The following TFAP2D variants were observed in gnomAD, a reference collection of about 807,000 sequenced individuals.
The protein encoded by TFAP2D is transcription factor AP-2-delta.
A neutral mutation model predicts 43.6 loss-of-function variants in TFAP2D; 9 were observed. That is an observed-to-expected ratio of 0.21 (90% CI 0.12 to 0.36). The LOEUF (loss-of-function observed/expected upper bound fraction) is 0.36. Ranked by LOEUF, TFAP2D falls within the 10% of genes least tolerant of loss-of-function variation. The probability of loss-of-function intolerance (pLI) is 1.00; values close to 1 mark genes in which losing one functional copy is unlikely to be tolerated. For missense variants in TFAP2D, 513 were observed against 561.4 expected (o/e 0.91, Z 0.87); for synonymous variants, 256 against 224.9 (o/e 1.14, Z -1.24).
intron 3 of TFAP2D, 109 bp downstream of exon 3, chr6:50,719,259 A>G (rs1768677085): frequency 8.9e-7 from 1 of 1,124,888 alleles, no homozygotes; most frequent in Non-Finnish European, 1.3e-6. Context: ...TTAAGAAAAC[A>G]ATTATGCTTA....
In TFAP2D at chr6:50,715,298, C is replaced by G; in HGVS notation, c.222C>G (p.Phe74Leu). 1 of 1,614,122 alleles carries G rather than the reference C, an allele frequency of 6.2e-7. No homozygotes were observed. Among genetic ancestry groups the G allele is most frequent in the Non-Finnish European group, 8.5e-7 (1 of 1,180,004 alleles). The change falls in exon 2 of 8, where the codon TTC (phenylalanine) becomes TTG (leucine). Residue 74 changes from phenylalanine (F) to leucine (L), a missense_variant. Around this residue, in one of 3 missense-constraint regions of TFAP2D, gnomAD observed 311 missense variants for 316.2 expected, o/e 0.98. Transcript: ENST00000008391. Reference protein sequence around the residue: ...HQYTPLHHQSFHYEFQHSHPA... With the variant: ...HQYTPLHHQSLHYEFQHSHPA... ...ACACCCCGCTCCACCACCAGTCCTT[C>G]CATTACGAGTTTCAGCACAGCCACC...
intron 7 of TFAP2D, among the ~76,000 whole-genome samples, chr6:50,768,830 G>GAAAGTCA (rs1769481271): frequency 6.6e-6 from 1 of 151,516 alleles, no homozygotes; most frequent in African/African-American, 2.4e-5. Flanking sequence ...TTCAGGTCAT[G>GAAAGTCA]AAAGTCAAAA....
intron 5 of TFAP2D, among the ~76,000 whole-genome samples, chr6:50,729,576 C>A (rs1299049443): frequency 6.6e-6 from 1 of 152,080 alleles, no homozygotes; most frequent in Non-Finnish European, 1.5e-5. Flanking sequence ...TCCAAATAGC[C>A]TCTAAATAAC....
chr6:50,757,351 A>G (rs1026554527), intron 7 of TFAP2D, among the ~76,000 whole-genome samples: 2 of 138,842 alleles, frequency 1.4e-5, no homozygotes, highest in Non-Finnish European at 3.0e-5. Context: ...TAGAGAATAT[A>G]TGTAATTATT....
intron 7 of TFAP2D, among the ~76,000 whole-genome samples, chr6:50,772,023 A>C (rs967878662): frequency 2.0e-5 from 3 of 152,222 alleles, no homozygotes; most frequent in Non-Finnish European, 4.4e-5. Context: ...CTGGATTAAG[A>C]AAATGTGGCA....
intron 1 of TFAP2D, among the ~76,000 whole-genome samples, 192 bp downstream of exon 1, chr6:50,714,286 C>T (rs1398112441): frequency 6.6e-6 from 1 of 151,816 alleles, no homozygotes; most frequent in African/African-American, 2.4e-5. Flanking sequence ...TGACATCTGT[C>T]GCCAGGGAGG....
chr6:50,714,860 C>T (rs1003018414), intron 1 of TFAP2D, among the ~76,000 whole-genome samples: 1 of 151,888 alleles, frequency 6.6e-6, no homozygotes, highest in Non-Finnish European at 1.5e-5. Flanking sequence ...TGGTGTCACC[C>T]GCACCTATAT....
chr6:50,749,486 T>C (rs1434206299), intron 6 of TFAP2D, among the ~76,000 whole-genome samples: 1 of 151,860 alleles, frequency 6.6e-6, no homozygotes, highest in Admixed American at 6.6e-5. Context: ...CACCAATCTT[T>C]CTTTGTAAGA....
chr6:50,751,002 ATGT>A (rs1388141973), intron 6 of TFAP2D, among the ~76,000 whole-genome samples: 1 of 152,106 alleles, frequency 6.6e-6, no homozygotes, highest in Non-Finnish European at 1.5e-5. Flanking sequence ...TTTGTTTGAA[ATGT>A]TGTATGATTA....
chr6:50,750,657 G>T (rs1320057829), intron 6 of TFAP2D, among the ~76,000 whole-genome samples: 2 of 151,818 alleles, frequency 1.3e-5, no homozygotes, highest in Non-Finnish European at 2.9e-5. Context: ...GGCTTACATG[G>T]AACATAATAT....
intron 3 of TFAP2D, among the ~76,000 whole-genome samples, chr6:50,726,671 C>G (rs1768811849): frequency 6.6e-6 from 1 of 152,166 alleles, no homozygotes; most frequent in African/African-American, 2.4e-5. Flanking sequence ...CAGTATGACT[C>G]TACACCACAG....
Position 50,772,740 on chromosome 6 carries a change from A to G in TFAP2D, c.1235A>G (p.His412Arg). The change falls in exon 8 of 8, where the codon CAC becomes CGC. Residue 412 changes from histidine (H) to arginine (R), a missense_variant. Transcript: ENST00000008391. ...GAAATGCTGAACTACTTGGAAAAACACACTACTCACAAGAACGGCGGAGCG... is the reference window on the plus strand; with the variant it reads ...GAAATGCTGAACTACTTGGAAAAACGCACTACTCACAAGAACGGCGGAGCG... Reference protein sequence around the residue: ...LSEMLNYLEKHTTHKNGGAAD... With the variant: ...LSEMLNYLEKRTTHKNGGAAD... The G allele has an allele frequency of 6.2e-7, 1 of 1,614,180 alleles. No homozygotes were observed. Among genetic ancestry groups the G allele is most frequent in the Non-Finnish European group, 8.5e-7 (1 of 1,180,020 alleles).
chr6:50,716,280 T>C (rs1246451172), intron 2 of TFAP2D, among the ~76,000 whole-genome samples: 1 of 152,042 alleles, frequency 6.6e-6, no homozygotes, highest in African/African-American at 2.4e-5. Context: ...TAGGGTTGAG[T>C]TTAATTCTCT....
chr6:50,749,258 G>T (rs1265985817), intron 6 of TFAP2D, among the ~76,000 whole-genome samples: 1 of 151,574 alleles, frequency 6.6e-6, no homozygotes. Context: ...CACCTCTTTA[G>T]CTTTCTCTAA....
intron 3 of TFAP2D, among the ~76,000 whole-genome samples, chr6:50,727,837 C>G (rs910705692): frequency 6.6e-6 from 1 of 152,182 alleles, no homozygotes; most frequent in Non-Finnish European, 1.5e-5. Context: ...ACTGTATAGT[C>G]ACCATGCTAG....
intron 7 of TFAP2D, among the ~76,000 whole-genome samples, chr6:50,757,950 G>A (rs1190303728): frequency 6.7e-6 from 1 of 149,106 alleles, no homozygotes. Context: ...ATAGTACATA[G>A]CGAATAGTAT....
At chr6:50,714,174 G>A (rs1581754564) in intron 1 of TFAP2D, 80 bp downstream of exon 1, 3 of 1,411,494 alleles carry the variant, frequency 2.1e-6, no homozygotes, top group South Asian at 1.2e-5. Context: ...TGGCGGCGGC[G>A]GTGGCAGCCT....
chr6:50,741,716 TGGCC>T, intron 5 of TFAP2D, among the ~76,000 whole-genome samples: 1 of 149,584 alleles, frequency 6.7e-6, no homozygotes, highest in South Asian at 2.1e-4. Context: ...AAAAGGTGCA[TGGCC>T]AAGTGCTGCA....
intron 7 of TFAP2D, among the ~76,000 whole-genome samples, chr6:50,771,581 A>G (rs1201827249): frequency 6.6e-6 from 1 of 152,248 alleles, no homozygotes; most frequent in Admixed American, 6.5e-5. Context: ...GTTTCCACAC[A>G]TAGAATCTAA....
Sources: gnomAD v4.1 joint callset for allele counts (sites outside exome capture counted in the v4.1 genomes callset) on GRCh38, gnomAD v4.1.1 for gene constraint, gnomAD v4.1.1 regional missense constraint, MANE v1.5 for transcripts, NCBI Gene and HGNC (gene_info 2026-07-23, HGNC 2026-07-21) for gene names.